FSTL4: variants seen among roughly 807,000 people sequenced by gnomAD.
The protein encoded by FSTL4 is follistatin-related protein 4.
A neutral mutation model predicts 78.2 loss-of-function variants in FSTL4; 28 were observed. That is an observed-to-expected ratio of 0.36 (90% confidence interval 0.27 to 0.49). The LOEUF (loss-of-function observed/expected upper bound fraction) is 0.49. Ranked by LOEUF, FSTL4 falls within the 20% of genes least tolerant of loss-of-function variation. The pLI is 0.98. For synonymous variants in FSTL4, 422 were observed against 440.5 expected (o/e 0.96, Z 0.53); for missense variants, 922 against 1,084.9 (o/e 0.85, Z 2.11).
At chr5:133,375,399 G>C (rs1755411042) in intron 4 of FSTL4, among the ~76,000 whole-genome samples, 1 of 148,920 alleles carries the variant, frequency 6.7e-6, no homozygotes, top group Non-Finnish European at 1.5e-5. Flanking sequence ...GTGCTTTTCT[G>C]TATGTCCTAA....
At chr5:133,238,741 C>A (rs1234688889) in intron 7 of FSTL4, among the ~76,000 whole-genome samples, 4 of 152,270 alleles carry the variant, frequency 2.6e-5, no homozygotes, top group Admixed American at 6.5e-5. Context: ...CATACTGGCT[C>A]CCTAGTGCTG....
At chr5:133,518,425 A>T (rs1758908234) in intron 3 of FSTL4, among the ~76,000 whole-genome samples, 2 of 152,242 alleles carry the variant, frequency 1.3e-5, no homozygotes, top group Non-Finnish European at 2.9e-5. Flanking sequence ...AATTAAAACA[A>T]TGAAGTACCA....
chr5:133,695,957 C>T, the FSTL4 span, among the ~76,000 whole-genome samples: 1 of 152,248 alleles, frequency 6.6e-6, no homozygotes, highest in Admixed American at 6.5e-5. Flanking sequence ...GCCCACCTCC[C>T]TCATTCCTTC....
At chr5:133,628,459 A>C in the FSTL4 span, among the ~76,000 whole-genome samples, 1 of 151,708 alleles carries the variant, frequency 6.6e-6, no homozygotes, top group Non-Finnish European at 1.5e-5. Context: ...TCCTAGGTTC[A>C]AGTGATTCTC....
the FSTL4 span, among the ~76,000 whole-genome samples, chr5:133,698,499 C>G: frequency 1.3e-5 from 2 of 152,206 alleles, no homozygotes; most frequent in East Asian, 3.8e-4. Flanking sequence ...GCTCTTCTGT[C>G]AAACATGATG....
intron 7 of FSTL4, chr5:133,248,624 T>C (rs1426476125): frequency 6.6e-6 from 1 of 152,198 alleles, no homozygotes; most frequent in African/African-American, 2.4e-5. Context: ...ATTAATTCAT[T>C]GAGGATCGGC....
chr5:133,540,039 C>T (rs1759435536), intron 3 of FSTL4, among the ~76,000 whole-genome samples: 1 of 151,502 alleles, frequency 6.6e-6, no homozygotes, highest in Admixed American at 6.6e-5. Context: ...GAGTCTCATC[C>T]AATCAGTTGA....
the FSTL4 span, among the ~76,000 whole-genome samples, chr5:133,791,215 T>C: frequency 2.6e-5 from 4 of 152,092 alleles, no homozygotes; most frequent in East Asian, 7.8e-4. Flanking sequence ...TCAAATATCA[T>C]CTTCCCAGAG....
chr5:133,648,605 T>G, the FSTL4 span, among the ~76,000 whole-genome samples: 1 of 152,192 alleles, frequency 6.6e-6, no homozygotes, highest in Admixed American at 6.5e-5. Flanking sequence ...TCCAGAGTCA[T>G]GGGATGCTTA....
At chr5:133,448,739 C>CT (rs1554115245) in intron 3 of FSTL4, among the ~76,000 whole-genome samples, 2 of 19,450 alleles carry the variant, frequency 1.0e-4, no homozygotes, top group Non-Finnish European at 2.3e-4. Context: ...GGTGCGGGGG[C>CT]GGGGGGGGGG....
chr5:133,769,730 G>A, the FSTL4 span, among the ~76,000 whole-genome samples: 1 of 152,080 alleles, frequency 6.6e-6, no homozygotes, highest in Non-Finnish European at 1.5e-5. Context: ...TATTTAGGAG[G>A]TACAAGTACA....
At chr5:133,444,834 A>G (rs1203458475) in intron 3 of FSTL4, among the ~76,000 whole-genome samples, 1 of 151,700 alleles carries the variant, frequency 6.6e-6, no homozygotes, top group Non-Finnish European at 1.5e-5. Context: ...CCCCTCACCC[A>G]CTCCACTAAG....
chr5:133,747,570 G>C, the FSTL4 span, among the ~76,000 whole-genome samples: 1 of 152,014 alleles, frequency 6.6e-6, no homozygotes, highest in Non-Finnish European at 1.5e-5. Context: ...CCAACATGAG[G>C]CTCCCAAAGT....
intron 3 of FSTL4, among the ~76,000 whole-genome samples, chr5:133,484,234 C>T (rs939018163): frequency 6.6e-6 from 1 of 152,230 alleles, no homozygotes; most frequent in African/African-American, 2.4e-5. Flanking sequence ...TCTGAGCCCT[C>T]TCTTTGCAGA....
chr5:133,476,979 G>A (rs1347315786), intron 3 of FSTL4, among the ~76,000 whole-genome samples: 1 of 152,178 alleles, frequency 6.6e-6, no homozygotes, highest in African/African-American at 2.4e-5. Context: ...ATCTGGGGGT[G>A]GGGCTGCATC....
At chr5:133,695,644 G>C in the FSTL4 span, among the ~76,000 whole-genome samples, 1 of 152,150 alleles carries the variant, frequency 6.6e-6, no homozygotes, top group Non-Finnish European at 1.5e-5. Context: ...TCCAGCTCCT[G>C]CTTCAGCCAA....
intron 3 of FSTL4, among the ~76,000 whole-genome samples, chr5:133,432,101 G>C (rs1756952575): frequency 6.6e-6 from 1 of 152,106 alleles, no homozygotes; most frequent in Non-Finnish European, 1.5e-5. Context: ...CATCTGTTCT[G>C]TCATTGCACT....
chr5:133,250,629 G>A (rs1022700923), intron 6 of FSTL4, among the ~76,000 whole-genome samples: 4 of 152,288 alleles, frequency 2.6e-5, no homozygotes, highest in African/African-American at 7.2e-5. Context: ...ACGCTTGTGA[G>A]CTGTGACCAG....
chr5:133,340,588 C>A lies in FSTL4; in HGVS notation c.410-23936G>T, dbSNP rs567523238. Among the ~76,000 whole-genome samples the A allele has an allele frequency of 3.3e-5, 5 of 152,288 alleles. No individual in the cohort carries two copies. In the South Asian group the frequency reaches 1.0e-3, roughly 32 times the overall value. ...ATACCTTAGTCCCACGTCACATTTCCTGGTATCTCTAAAGCCACCAGGAGA... is the reference window on the plus strand; with the variant it reads ...ATACCTTAGTCCCACGTCACATTTCATGGTATCTCTAAAGCCACCAGGAGA... On this transcript the variant is annotated intron_variant, in intron 4 of 15. Coordinates refer to ENST00000265342, the MANE Select transcript of FSTL4 (RefSeq NM_015082.2).
Sources: allele counts gnomAD v4.1 joint callset (sites outside exome capture counted in the v4.1 genomes callset), GRCh38; gene constraint gnomAD v4.1.1; transcripts MANE v1.5; gene names NCBI Gene and HGNC (gene_info 2026-07-23, HGNC 2026-07-21).